FNDC3B: variants seen among roughly 807,000 people sequenced by gnomAD.
FNDC3B encodes the protein fibronectin type III domain-containing protein 3B.
In FNDC3B, 12 loss-of-function variants were observed where a neutral mutation model predicts 151.5. The ratio of observed to expected loss-of-function variants is 0.08; its 90% CI spans 0.05 to 0.13. FNDC3B has a LOEUF of 0.13. FNDC3B is among the 10% of genes least tolerant of loss of function. The pLI, the probability that FNDC3B is intolerant of heterozygous loss-of-function variation, is 1.00. For missense variants in FNDC3B, 1,214 were observed against 1,505.3 expected (o/e 0.81, Z 3.20); for synonymous variants, 528 against 549.0 (o/e 0.96, Z 0.54).
chr3:172,335,079 T>C lies in FNDC3B; in HGVS notation c.1777T>C (p.Trp593Arg). 2 of 1,587,748 alleles carry C rather than the reference T, an allele frequency of 1.3e-6. No individual in the cohort carries two copies. Among genetic ancestry groups the C allele is most frequent in the Non-Finnish European group, 8.5e-7 (1 of 1,169,746 alleles). The change falls in exon 15 of 26, where the codon TGG (tryptophan) becomes CGG (arginine). Residue 593 changes from tryptophan (W) to arginine (R), a missense_variant. This residue lies in a region of FNDC3B where 380 missense variants were observed against 420.9 expected (regional missense o/e 0.90). Transcript: ENST00000415807. ...TACATCTCATGGCTTTAGTGTCAAA[T>C]GGGGTATGTTTTGCTGCTGCTGCTA... is the stretch of plus-strand genomic sequence containing the variant. ...PVTSHGFSVK[W>R]DPPKDNGGSE... is the part of the protein sequence containing the mutation.
intron 2 of FNDC3B, among the ~76,000 whole-genome samples, chr3:172,115,878 C>T (rs933766681): frequency 1.6e-4 from 25 of 152,212 alleles, no homozygotes; most frequent in African/African-American, 5.5e-4. Context: ...ACATTCTAAA[C>T]ATTTCTATAT....
At chr3:172,372,957 G>A (rs1049841283) in intron 23 of FNDC3B, among the ~76,000 whole-genome samples, 3 of 152,200 alleles carry the variant, frequency 2.0e-5, no homozygotes, top group Non-Finnish European at 2.9e-5. Context: ...GCAGTAAAGC[G>A]CAGAGCTGGT....
chr3:172,286,927 T>C (rs1314066523), intron 7 of FNDC3B, among the ~76,000 whole-genome samples: 1 of 152,138 alleles, frequency 6.6e-6, no homozygotes, highest in African/African-American at 2.4e-5. Context: ...GGTGAAAGGC[T>C]ATGGGAGTCA....
intron 6 of FNDC3B, among the ~76,000 whole-genome samples, chr3:172,276,134 A>T (rs1228579590): frequency 1.3e-5 from 2 of 152,224 alleles, no homozygotes; most frequent in Non-Finnish European, 2.9e-5. Flanking sequence ...GGGTAAGAGT[A>T]GCTTTTAACA....
intron 16 of FNDC3B, among the ~76,000 whole-genome samples, chr3:172,338,928 G>A (rs1339160454): frequency 6.6e-6 from 1 of 151,740 alleles, no homozygotes; most frequent in East Asian, 2.0e-4. Context: ...TAGTAGAGAC[G>A]GGGTTTCACC....
rs183739306 is a variant in FNDC3B, at chr3:172,371,535, A to G, written c.3009-6735A>G. On this transcript the variant is annotated intron_variant, in intron 23 of 25. Transcript: ENST00000415807. The stretch of plus-strand genomic sequence containing the variant: ...CAAAGCTCAAACAAGTTATGGGCAG[A>G]GCCATCAAGAATTCATTTAGACTGT... Among the ~76,000 whole-genome samples, 3 of 152,372 alleles carry G rather than the reference A, an allele frequency of 2.0e-5. No homozygotes were observed. The East Asian group carries it at 5.8e-4, about 29-fold the overall frequency.
At position 172,165,858 on chromosome 3, in the gene FNDC3B, A is replaced by G. The variant is rs555490940; in HGVS notation, c.187+32312A>G. ...GAATTTTCCTATAATATTCATAATA[A>G]TTACATTAGATTCAGAAATTCAGGA... is the stretch of plus-strand genomic sequence containing the variant. On this transcript the variant is annotated intron_variant, in intron 3 of 25. Coordinates refer to ENST00000415807, the MANE Select transcript of FNDC3B (RefSeq NM_022763.4). 9.2e-5 allele frequency among the ~76,000 whole-genome samples: 14 copies of G among 152,324 alleles called. No individual in the cohort carries two copies. The South Asian group carries it at 2.9e-3, about 32-fold the overall frequency.
rs1386928207 is a variant in FNDC3B at position 172,330,552 on chromosome 3, A to C, written c.1391A>C (p.Gln464Pro). Residue 464 changes from glutamine to proline, a missense_variant, in exon 13 of 26, where the codon CAA becomes CCA. Transcript: ENST00000415807. ...RNDIGTSGYS[Q>P]EVVCYTLGNI... ...TTCTTTCTCTACAGTGGTTATAGCCAAGAGGTGGTGTGCTACACATTAGGA... is the reference window on the plus strand; with the variant it reads ...TTCTTTCTCTACAGTGGTTATAGCCCAGAGGTGGTGTGCTACACATTAGGA... The C allele has an allele frequency of 6.2e-7, 1 of 1,613,084 alleles. No individual in the cohort carries two copies. The highest frequency in any genetic ancestry group is 1.7e-5 in the Admixed American group (1 of 59,930).
At chr3:172,257,013 C>T (rs931030959) in intron 6 of FNDC3B, among the ~76,000 whole-genome samples, 3 of 151,982 alleles carry the variant, frequency 2.0e-5, no homozygotes, top group African/African-American at 7.3e-5. Flanking sequence ...TCACTGAGAC[C>T]TCCACCTCCC....
intron 3 of FNDC3B, among the ~76,000 whole-genome samples, chr3:172,154,362 C>T (rs543158929): frequency 6.6e-5 from 10 of 152,110 alleles, no homozygotes; most frequent in African/African-American, 4.8e-5. Context: ...ACTACAGGTG[C>T]GTGCCACCAT....
In FNDC3B at chr3:172,245,855, T is replaced by A. The variant is rs78342742; in HGVS notation, c.265-1678T>A. On this transcript the variant is annotated intron_variant, in intron 4 of 25. Coordinates refer to ENST00000415807, the MANE Select transcript of FNDC3B (RefSeq NM_022763.4). ...AATCTTAATTTTAAATAGGTAATAT[T>A]ATCTTATTTATGAACTATTAACACA... 3.6e-3 allele frequency among the ~76,000 whole-genome samples: 552 copies of A among 152,338 alleles called. 2 individuals are homozygous for A. Among genetic ancestry groups the A allele is most frequent in the African/African-American group, 0.012 (503 of 41,580 alleles).
At chr3:172,118,188 C>T (rs1342162971) in intron 2 of FNDC3B, among the ~76,000 whole-genome samples, 1 of 152,226 alleles carries the variant, frequency 6.6e-6, no homozygotes, top group Non-Finnish European at 1.5e-5. Flanking sequence ...GCTTTCCACC[C>T]TCAGATGGTG....
intron 22 of FNDC3B, 76 bp from the exon 23 acceptor site, chr3:172,362,557 C>T (rs1734419817): frequency 1.8e-6 from 2 of 1,086,556 alleles, no homozygotes; most frequent in Admixed American, 1.8e-5. Context: ...AAATACTATG[C>T]TCAATGTTTA....
Position 172,399,671 on chromosome 3 carries a change from G to A in FNDC3B, c.*2196G>A, listed in dbSNP as rs1207338593. 6.6e-6 allele frequency: 1 copy of A among 152,542 alleles called. No individual in the cohort carries two copies. Among genetic ancestry groups the A allele is most frequent in the African/African-American group, 2.4e-5 (1 of 41,426 alleles). 9.4% of individuals were successfully genotyped at this position (152,542 alleles called of 1,614,324 possible). ...TGTGCTATGACCCACTATGACCACAGCATCTGCATTTTCTAAAAAATTCCA... is the reference window on the plus strand; with the variant it reads ...TGTGCTATGACCCACTATGACCACAACATCTGCATTTTCTAAAAAATTCCA... On this transcript the variant is annotated 3_prime_UTR_variant, in exon 26 of 26. Coordinates refer to ENST00000415807, the MANE Select transcript of FNDC3B (RefSeq NM_022763.4).
At chr3:172,345,562 G>A (rs779364864) in intron 19 of FNDC3B, among the ~76,000 whole-genome samples, 7 of 152,122 alleles carry the variant, frequency 4.6e-5, no homozygotes, top group Non-Finnish European at 1.0e-4. Context: ...TGCATGTTAT[G>A]TTGAGAGGTG....
intron 6 of FNDC3B, among the ~76,000 whole-genome samples, chr3:172,278,775 A>C (rs934243828): frequency 1.3e-5 from 2 of 152,074 alleles, no homozygotes; most frequent in African/African-American, 4.8e-5. Flanking sequence ...AAAAATACAA[A>C]AATTAGCCAG....
At chr3:172,245,586 C>T (rs188760454) in intron 4 of FNDC3B, among the ~76,000 whole-genome samples, 9 of 152,232 alleles carry the variant, frequency 5.9e-5, no homozygotes, top group Admixed American at 5.9e-4. Context: ...TATTTATATA[C>T]ATGTGCTACC....
At chr3:172,366,605 A>G (rs756378892) in intron 23 of FNDC3B, among the ~76,000 whole-genome samples, 1 of 152,232 alleles carries the variant, frequency 6.6e-6, no homozygotes, top group African/African-American at 2.4e-5. Context: ...CCCTGCCCTT[A>G]AGGAACTCAC....
chr3:172,173,631 C>CA (rs58281455), intron 3 of FNDC3B, among the ~76,000 whole-genome samples: 24,901 of 98,674 alleles, frequency 0.25, 2,236 homozygotes, highest in Middle Eastern at 0.3. Context: ...TTTGTCTCTA[C>CA]AAAAAAAAAA....
Sources: gnomAD v4.1 joint callset for allele counts (sites outside exome capture counted in the v4.1 genomes callset) on GRCh38, gnomAD v4.1.1 for gene constraint, gnomAD v4.1.1 regional missense constraint, MANE v1.5 for transcripts, NCBI Gene and HGNC (gene_info 2026-07-23, HGNC 2026-07-21) for gene names.